The following HDX variants were observed in gnomAD, a reference collection of about 807,000 sequenced individuals.
The protein encoded by HDX is chromosome X open reading frame 43.
In HDX, 19 loss-of-function variants were observed where a neutral mutation model predicts 45.2. The observed-to-expected ratio is 0.42, with a 90% CI of 0.29 to 0.62. The LOEUF is 0.62. Among genes scored for constraint, HDX ranks in the 20% least tolerant of loss-of-function variants. The pLI is 0.20. For missense variants in HDX, 532 were observed against 493.9 expected (o/e 1.08, Z -0.73); for synonymous variants, 188 against 172.8 (o/e 1.09, Z -0.69).
intron 4 of HDX, among the ~76,000 whole-genome samples, chrX:84,445,906 T>C (rs1468255817): frequency 1.8e-5 from 2 of 111,652 alleles, no homozygotes; most frequent in Non-Finnish European, 3.8e-5. Flanking sequence ...CAAAATGCTA[T>C]TTGAAATTTG....
At chrX:84,419,428 T>C (rs747504984) in intron 5 of HDX, among the ~76,000 whole-genome samples, 2 of 111,948 alleles carry the variant, frequency 1.8e-5, no homozygotes, top group Admixed American at 9.5e-5. Flanking sequence ...TGGCAGTGGC[T>C]ATGGGCCGAG....
At chrX:84,328,328 T>C (rs12855896) in intron 9 of HDX, among the ~76,000 whole-genome samples, 1 of 110,836 alleles carries the variant, frequency 9.0e-6, no homozygotes, top group Non-Finnish European at 1.9e-5. Flanking sequence ...GCCATGATCA[T>C]ACCACTGCAC....
chrX:84,449,307 G>A (rs1901740831), intron 4 of HDX, among the ~76,000 whole-genome samples: 1 of 111,659 alleles, frequency 9.0e-6, no homozygotes, highest in Non-Finnish European at 1.9e-5. Context: ...TCCAAATGCA[G>A]GAAACTCAGA....
intron 5 of HDX, among the ~76,000 whole-genome samples, chrX:84,404,290 C>A (rs1007587778): frequency 1.3e-4 from 14 of 111,193 alleles, no homozygotes; most frequent in Middle Eastern, 4.6e-3. Context: ...AACATTTAGA[C>A]CTTCTGTGTC....
At chrX:84,479,976 GT>G (rs1023128436) in intron 2 of HDX, among the ~76,000 whole-genome samples, 31 of 111,065 alleles carry the variant, frequency 2.8e-4, no homozygotes, top group Non-Finnish European at 4.5e-4. Flanking sequence ...GATTTCCAAT[GT>G]TTCTCCACCT....
chrX:84,413,650 G>T (rs1017666148), intron 5 of HDX, among the ~76,000 whole-genome samples: 2 of 111,815 alleles, frequency 1.8e-5, no homozygotes, highest in Non-Finnish European at 3.8e-5. Flanking sequence ...AGAGGAAAAT[G>T]AGACTTTTGA....
chrX:84,347,849 T>C (rs1342179879), intron 6 of HDX, among the ~76,000 whole-genome samples: 1 of 111,524 alleles, frequency 9.0e-6, no homozygotes, highest in Admixed American at 9.5e-5. Context: ...AGGTATTTGT[T>C]TTCCCCCTCT....
chrX:84,407,485 T>C (rs2038858835), intron 5 of HDX, among the ~76,000 whole-genome samples: 1 of 111,401 alleles, frequency 9.0e-6, no homozygotes, highest in Non-Finnish European at 1.9e-5. Flanking sequence ...GATGATTCCT[T>C]ATCTTTGCTA....
At chrX:84,458,517 A>G (rs747386437) in intron 4 of HDX, among the ~76,000 whole-genome samples, 29 of 112,200 alleles carry the variant, frequency 2.6e-4, no homozygotes, top group African/African-American at 9.4e-4. Flanking sequence ...AGATTTCAAT[A>G]TTTACAAATT....
intron 5 of HDX, chrX:84,440,303 T>G (rs1011281579): frequency 5.5e-5 from 16 of 290,351 alleles, no homozygotes; most frequent in African/African-American, 3.9e-4. Flanking sequence ...CTTTTAAAAC[T>G]GAGAAAACTG....
chrX:84,472,939 C>T (rs930818201), intron 3 of HDX, among the ~76,000 whole-genome samples: 5 of 108,673 alleles, frequency 4.6e-5, no homozygotes, highest in Non-Finnish European at 7.7e-5. Context: ...AAATGATTCT[C>T]ATTTACGTTA....
intron 5 of HDX, among the ~76,000 whole-genome samples, chrX:84,366,221 C>A (rs1171335919): frequency 9.0e-6 from 1 of 111,606 alleles, no homozygotes; most frequent in Non-Finnish European, 1.9e-5. Flanking sequence ...CATGAGTGAA[C>A]TCCGATTCAC....
chrX:84,408,765 T>G (rs1244895171), intron 5 of HDX, among the ~76,000 whole-genome samples: 1 of 110,065 alleles, frequency 9.1e-6, no homozygotes, highest in Non-Finnish European at 1.9e-5. Context: ...CTTCTCTGTG[T>G]AGCGATCTTC....
rs1456407705 is a variant in HDX at position 84,406,507 on chromosome X, C to CAT, written c.1305+34024_1305+34025insAT. ...ACACACACACACACACACATACACA[C>CAT]ACACACACACATACACACACACACA... On this transcript the variant is annotated intron_variant, in intron 5 of 10. Coordinates refer to ENST00000373177, the MANE Select transcript of HDX (RefSeq NM_001177479.2). Among the ~76,000 whole-genome samples the CAT allele has an allele frequency of 1.9e-3, 129 of 68,149 alleles. 1 individual carries two copies. The highest frequency in any genetic ancestry group is 5.8e-3 in the African/African-American group (122 of 21,213). 59.2% of individuals were successfully genotyped at this position (68,149 alleles called of 115,157 possible). A position where few individuals can be genotyped will look rare whatever the true frequency, so the allele number is the denominator to read the frequency against.
chrX:84,437,898 C>A (rs1248584178), intron 5 of HDX, among the ~76,000 whole-genome samples: 1 of 110,946 alleles, frequency 9.0e-6, no homozygotes, highest in Non-Finnish European at 1.9e-5. Context: ...TGCCTGGTGT[C>A]TTCTGATGTG....
At chrX:84,422,663 G>GTTTTTTTTTTTTT (rs779557860) in intron 5 of HDX, among the ~76,000 whole-genome samples, 1 of 64,923 alleles carries the variant, frequency 1.5e-5, no homozygotes, top group Non-Finnish European at 2.8e-5. Flanking sequence ...GAAATAAAAG[G>GTTTTTTTTTTTTT]TTTTTTTTTT....
At chrX:84,465,391 T>C (rs762993315) in intron 4 of HDX, among the ~76,000 whole-genome samples, 8 of 112,274 alleles carry the variant, frequency 7.1e-5, no homozygotes, top group Non-Finnish European at 1.1e-4. Flanking sequence ...TGCAGCACTA[T>C]TGACAATAAC....
chrX:84,418,611 C>T (rs6623023), intron 5 of HDX, among the ~76,000 whole-genome samples: 28,525 of 110,456 alleles, frequency 0.26, 2,912 homozygotes, highest in East Asian at 0.68. Context: ...CTTAAAGGCA[C>T]TTGAAGTTAT....
At chrX:84,483,218 C>T (rs2040725121) in intron 2 of HDX, among the ~76,000 whole-genome samples, 1 of 111,589 alleles carries the variant, frequency 9.0e-6, no homozygotes, top group Admixed American at 9.5e-5. Context: ...GACAGTGGCC[C>T]TCTTCTCACA....
Sources: gnomAD v4.1 joint callset for allele counts (sites outside exome capture counted in the v4.1 genomes callset) on GRCh38, gnomAD v4.1.1 for gene constraint, MANE v1.5 for transcripts, NCBI Gene and HGNC (gene_info 2026-07-23, HGNC 2026-07-21) for gene names.